CCSER1: variants seen among roughly 807,000 people sequenced by gnomAD.
CCSER1 encodes serine-rich coiled-coil domain-containing protein 1.
In CCSER1, 41 loss-of-function variants were observed where a neutral mutation model predicts 82.0. The ratio of observed to expected loss-of-function variants is 0.50; its 90% CI spans 0.39 to 0.65. The LOEUF is 0.65. CCSER1 is among the 30% of genes least tolerant of loss of function. The pLI is 0.00. For missense variants in CCSER1, 1,119 were observed against 1,064.2 expected (o/e 1.05, Z -0.72); for synonymous variants, 414 against 383.9 (o/e 1.08, Z -0.92).
At chr4:90,860,547 T>TA (rs1026260935) in intron 8 of CCSER1, among the ~76,000 whole-genome samples, 4 of 151,702 alleles carry the variant, frequency 2.6e-5, no homozygotes, top group Non-Finnish European at 5.9e-5. Flanking sequence ...CCAAGATAAG[T>TA]AAAAATATAT....
intron 1 of CCSER1, among the ~76,000 whole-genome samples, chr4:90,230,874 GAAATGGAT>G (rs1240317336): frequency 2.0e-5 from 3 of 152,172 alleles, no homozygotes; most frequent in Non-Finnish European, 1.5e-5. Flanking sequence ...AAATCTAGAA[GAAATGGAT>G]AAATTCCTTG....
intron 4 of CCSER1, among the ~76,000 whole-genome samples, chr4:90,449,566 C>G (rs1026136209): frequency 6.6e-6 from 1 of 152,224 alleles, no homozygotes; most frequent in Admixed American, 6.5e-5. Context: ...GTGAGCTGCC[C>G]ACAACCCTTC....
intron 8 of CCSER1, among the ~76,000 whole-genome samples, chr4:90,870,805 A>G (rs1184057580): frequency 7.1e-6 from 1 of 140,516 alleles, no homozygotes; most frequent in Non-Finnish European, 1.5e-5. Context: ...TAAAGCCACC[A>G]GGTCCTTGGC....
chr4:91,386,501 G>C (rs1282470995), intron 10 of CCSER1, among the ~76,000 whole-genome samples: 1 of 151,994 alleles, frequency 6.6e-6, no homozygotes, highest in Non-Finnish European at 1.5e-5. Context: ...GATGGTACTA[G>C]AGTTGGAAAA....
At chr4:90,294,695 A>G (rs575200797) in intron 1 of CCSER1, among the ~76,000 whole-genome samples, 87 of 152,110 alleles carry the variant, frequency 5.7e-4, no homozygotes, top group African/African-American at 1.7e-3. Context: ...TTTGATTTTT[A>G]AAGTCTTAAA....
chr4:90,700,796 C>T (rs911634813), intron 6 of CCSER1, among the ~76,000 whole-genome samples: 4 of 152,100 alleles, frequency 2.6e-5, no homozygotes, highest in Non-Finnish European at 2.9e-5. Context: ...GCTTTTGAGA[C>T]GTGACTGTTC....
At chr4:90,788,852 A>T (rs1430798834) in intron 7 of CCSER1, among the ~76,000 whole-genome samples, 1 of 152,204 alleles carries the variant, frequency 6.6e-6, no homozygotes, top group Non-Finnish European at 1.5e-5. Flanking sequence ...CTTGGTTTAC[A>T]GATAGTTCTC....
chr4:91,564,466 C>T (rs1045532749), intron 10 of CCSER1, among the ~76,000 whole-genome samples: 1 of 151,972 alleles, frequency 6.6e-6, no homozygotes, highest in African/African-American at 2.4e-5. Context: ...TGAGGAATTA[C>T]CATACTGCTT....
intron 10 of CCSER1, among the ~76,000 whole-genome samples, chr4:91,235,904 A>C (rs1488919444): frequency 6.6e-6 from 1 of 152,228 alleles, no homozygotes; most frequent in Non-Finnish European, 1.5e-5. Flanking sequence ...TGAGTGAATC[A>C]TAATTACTAT....
rs188070594 is a variant in CCSER1, at chr4:91,244,409, G to A, written c.2217+158415G>A. Among the ~76,000 whole-genome samples, 253 of 152,336 alleles carry A rather than the reference G, an allele frequency of 1.7e-3. 1 individual carries two copies. The highest frequency in any genetic ancestry group is 5.8e-3 in the African/African-American group (243 of 41,566). On this transcript the variant is annotated intron_variant, in intron 10 of 10. Transcript: ENST00000509176. ...TTGGCTTCAGGTCTGACCCAGCACAGTCCCAGTAGTGGTGGTCACAGGGGT... is the reference window on the plus strand; with the variant it reads ...TTGGCTTCAGGTCTGACCCAGCACAATCCCAGTAGTGGTGGTCACAGGGGT...
intron 1 of CCSER1, among the ~76,000 whole-genome samples, chr4:90,166,906 CTG>C (rs1299107328): frequency 6.6e-6 from 1 of 151,810 alleles, no homozygotes; most frequent in Non-Finnish European, 1.5e-5. Context: ...AGAACTGAGG[CTG>C]TGTCTTTTTT....
At chr4:90,393,068 T>C (rs1188635639) in intron 3 of CCSER1, among the ~76,000 whole-genome samples, 2 of 152,232 alleles carry the variant, frequency 1.3e-5, no homozygotes, top group South Asian at 2.1e-4. Flanking sequence ...ACCCAGTCTA[T>C]TCCTATGTCT....
At chr4:90,360,684 T>C (rs538479640) in intron 3 of CCSER1, among the ~76,000 whole-genome samples, 64 of 152,022 alleles carry the variant, frequency 4.2e-4, no homozygotes, top group Middle Eastern at 6.8e-3. Context: ...TGGTGAGGTT[T>C]AAGAGTCCAT....
At chr4:91,542,895 G>A (rs192317720) in intron 10 of CCSER1, among the ~76,000 whole-genome samples, 20 of 152,254 alleles carry the variant, frequency 1.3e-4, no homozygotes, top group African/African-American at 4.6e-4. Flanking sequence ...AATGTTGACA[G>A]TGTGGTGTTA....
intron 5 of CCSER1, among the ~76,000 whole-genome samples, chr4:90,476,759 T>A (rs1408114030): frequency 6.6e-6 from 1 of 152,232 alleles, no homozygotes; most frequent in Admixed American, 6.5e-5. Flanking sequence ...TTATTGCTCC[T>A]TAGTGAGTCA....
chr4:91,600,809 T>C lies in CCSER1; in HGVS notation c.*1752T>C, dbSNP rs1432818031. On this transcript the variant is annotated 3_prime_UTR_variant, in exon 11 of 11. Transcript: ENST00000509176. ...AGGCAGACATTTGCCAAATGTTTTC[T>C]TTCTTTGCGTGTTTGTAATTCTGCC... 1 of 147,928 alleles carries C rather than the reference T, an allele frequency of 6.8e-6. No individual in the cohort carries two copies. Among genetic ancestry groups the C allele is most frequent in the Non-Finnish European group, 1.5e-5 (1 of 67,972 alleles). The allele number at this position is 147,928 out of a possible 1,614,324, so 9.2% of individuals were successfully genotyped here. A position where few individuals can be genotyped will look rare whatever the true frequency, so the allele number is the denominator to read the frequency against.
intron 10 of CCSER1, among the ~76,000 whole-genome samples, chr4:91,431,477 G>T (rs1450446663): frequency 6.6e-6 from 1 of 151,370 alleles, no homozygotes; most frequent in Admixed American, 6.6e-5. Context: ...TTTTTTTTCG[G>T]GGGGCGGTGG....
chr4:91,403,137 A>G (rs1752452558), intron 10 of CCSER1, among the ~76,000 whole-genome samples: 1 of 152,012 alleles, frequency 6.6e-6, no homozygotes, highest in Admixed American at 6.6e-5. Flanking sequence ...ATTCATAGGT[A>G]TTTTATTCTC....
At chr4:90,651,109 C>A in intron 6 of CCSER1, among the ~76,000 whole-genome samples, 1 of 152,134 alleles carries the variant, frequency 6.6e-6, no homozygotes, top group Middle Eastern at 3.2e-3. Context: ...GAAATTTTCT[C>A]CTTTCTCTTC....
Sources: gnomAD v4.1 joint callset for allele counts (sites outside exome capture counted in the v4.1 genomes callset) on GRCh38, gnomAD v4.1.1 for gene constraint, MANE v1.5 for transcripts, NCBI Gene and HGNC (gene_info 2026-07-23, HGNC 2026-07-21) for gene names.